The following CTNNA1 variants were observed in gnomAD, a reference collection of about 807,000 sequenced individuals.
The protein encoded by CTNNA1 is catenin alpha-1.
CTNNA1 carries 37 observed loss-of-function variants against 98.4 expected under a neutral mutation model. The ratio of observed to expected loss-of-function variants is 0.38; its 90% CI spans 0.29 to 0.49. CTNNA1 has a LOEUF of 0.49. Ranked by LOEUF, CTNNA1 falls within the 20% of genes least tolerant of loss-of-function variation. The pLI is 0.95. For synonymous variants in CTNNA1, 404 were observed against 413.2 expected (o/e 0.98, Z 0.27); for missense variants, 761 against 1,147.2 (o/e 0.66, Z 4.86).
chr5:138,907,658 G>A (rs1265149186), intron 10 of CTNNA1, among the ~76,000 whole-genome samples: 12 of 152,170 alleles, frequency 7.9e-5, no homozygotes, highest in African/African-American at 2.2e-4. Context: ...AGGTAACTAG[G>A]GTAGTTAGTT....
At chr5:138,762,176 A>ATG (rs1432469474) in intron 1 of CTNNA1, 3 of 152,246 alleles carry the variant, frequency 2.0e-5, no homozygotes, top group African/African-American at 7.2e-5. Flanking sequence ...AGAGTCTCAT[A>ATG]GAGCAGCACT....
intron 1 of CTNNA1, among the ~76,000 whole-genome samples, chr5:138,755,773 GTC>G (rs1404638180): frequency 6.7e-6 from 1 of 150,182 alleles, no homozygotes; most frequent in East Asian, 1.9e-4. Context: ...TGGGACTCCT[GTC>G]TCTTCTGGAG....
At chr5:138,880,947 AC>A in intron 7 of CTNNA1, 2 of 421,906 alleles carry the variant, frequency 4.7e-6, no homozygotes, top group Middle Eastern at 3.4e-4. Flanking sequence ...AAAAAAAAAA[AC>A]ACATTGAATA....
Position 138,930,796 on chromosome 5 carries a change from A to G in CTNNA1, c.2193-34A>G, listed in dbSNP as rs543204283. 5.8e-6 allele frequency: 9 copies of G among 1,546,854 alleles called. No individual in the cohort carries two copies. In the East Asian group the frequency reaches 9.0e-5, roughly 15 times the overall value. ...CTACTCCAACTGTGAGGGGCTTCAC[A>G]TACAATAATCCTTGTTCTCTTCCCT... On this transcript the variant is annotated intron_variant, in intron 15 of 17. Coordinates refer to ENST00000302763, the MANE Select transcript of CTNNA1 (RefSeq NM_001903.5).
chr5:138,867,765 T>A (rs1229005485), intron 7 of CTNNA1, among the ~76,000 whole-genome samples: 1 of 151,814 alleles, frequency 6.6e-6, no homozygotes. Flanking sequence ...TTTTTTCTTT[T>A]TTTTTAAGAT....
intron 3 of CTNNA1, among the ~76,000 whole-genome samples, chr5:138,798,520 T>A (rs568523403): frequency 7.2e-5 from 11 of 152,328 alleles, no homozygotes; most frequent in African/African-American, 2.4e-4. Context: ...CCAAATATTT[T>A]CCAAGCCTAT....
rs1751215936 is a variant in CTNNA1 at position 138,753,451 on chromosome 5, C to T, written c.-62C>T. 8.0e-6 allele frequency: 3 copies of T among 376,080 alleles called. No homozygotes were observed. The highest frequency in any genetic ancestry group is 1.4e-5 in the Non-Finnish European group (3 of 211,590). 23.3% of individuals were successfully genotyped at this position (376,080 alleles called of 1,614,324 possible). A position where few individuals can be genotyped will look rare whatever the true frequency, so the allele number is the denominator to read the frequency against. ...TCCTCCTAGCCGGACTGGAGGGAGA[C>T]AAAGCAGCGCCCGTCTGCTTCGGGC... is the stretch of plus-strand genomic sequence containing the variant. On this transcript the variant is annotated 5_prime_UTR_variant, in exon 1 of 18. Coordinates refer to ENST00000302763, the MANE Select transcript of CTNNA1 (RefSeq NM_001903.5).
intron 9 of CTNNA1, among the ~76,000 whole-genome samples, chr5:138,900,175 T>C (rs1757729933): frequency 6.6e-6 from 1 of 152,238 alleles, no homozygotes; most frequent in African/African-American, 2.4e-5. Flanking sequence ...GATTTTATTG[T>C]TATTTTTGAC....
intron 7 of CTNNA1, among the ~76,000 whole-genome samples, chr5:138,840,861 A>G (rs1762212670): frequency 6.6e-6 from 1 of 152,080 alleles, no homozygotes; most frequent in Admixed American, 6.6e-5. Context: ...AACTAGCCAT[A>G]ATGTTTATTT....
intron 9 of CTNNA1, among the ~76,000 whole-genome samples, chr5:138,894,180 A>G (rs1448712931): frequency 6.6e-6 from 1 of 151,852 alleles, no homozygotes; most frequent in Non-Finnish European, 1.5e-5. Flanking sequence ...CAGCCTCCCA[A>G]AGTGCTAGGA....
intron 7 of CTNNA1, among the ~76,000 whole-genome samples, chr5:138,857,915 A>G (rs146875034): frequency 1.3e-5 from 2 of 152,314 alleles, no homozygotes; most frequent in East Asian, 3.9e-4. Context: ...AAAATTACGC[A>G]TGTAGGGAAG....
chr5:138,812,068 A>C lies in CTNNA1; in HGVS notation c.469-115A>C. 3.5e-6 allele frequency: 3 copies of C among 860,076 alleles called. No homozygotes were observed. In the East Asian group the frequency reaches 7.5e-5, roughly 21 times the overall value. 53.3% of individuals were successfully genotyped at this position (860,076 alleles called of 1,614,324 possible). ...AGACCATGCGCAAACTCGAGAGCTA[A>C]GTTTGGGTTGCTTTTTGAGTAGTTG... On this transcript the variant is annotated intron_variant, in intron 4 of 17. Transcript: ENST00000302763.
At chr5:138,883,287 AT>A (rs1753344991) in intron 7 of CTNNA1, among the ~76,000 whole-genome samples, 1 of 152,122 alleles carries the variant, frequency 6.6e-6, no homozygotes, top group African/African-American at 2.4e-5. Flanking sequence ...TAAACTTGCT[AT>A]TTGGACTGTA....
chr5:138,932,237 C>T lies in CTNNA1; in HGVS notation c.2299-341C>T, dbSNP rs1765513849. The T allele has an allele frequency of 3.7e-6, 4 of 1,093,722 alleles. No individual in the cohort carries two copies. The South Asian group carries it at 1.1e-4, about 29-fold the overall frequency. The allele number at this position is 1,093,722 out of a possible 1,614,324, so 67.8% of individuals were successfully genotyped here. A position where few individuals can be genotyped will look rare whatever the true frequency, so the allele number is the denominator to read the frequency against. On this transcript the variant is annotated intron_variant, in intron 16 of 17. Transcript: ENST00000302763. ...TTGTTCTCACCTCGAGGGGCATGGG[C>T]CTCCACCCTGCCGTTTGGGGTGAGG...
chr5:138,805,923 G>T (rs1354769231), intron 3 of CTNNA1, among the ~76,000 whole-genome samples: 1 of 151,634 alleles, frequency 6.6e-6, no homozygotes, highest in Non-Finnish European at 1.5e-5. Context: ...CCTGTTTTTT[G>T]TTCTGTTGTT....
At chr5:138,912,444 A>G (rs1252533153) in intron 10 of CTNNA1, among the ~76,000 whole-genome samples, 4 of 152,256 alleles carry the variant, frequency 2.6e-5, no homozygotes, top group Non-Finnish European at 5.9e-5. Flanking sequence ...AAACGGAAAT[A>G]GTGTTTGAGA....
chr5:138,831,682 T>C (rs945724688), intron 7 of CTNNA1, among the ~76,000 whole-genome samples: 3 of 152,248 alleles, frequency 2.0e-5, no homozygotes, highest in Admixed American at 2.0e-4. Context: ...GCTTGAAGTT[T>C]TGTGCCTTAT....
intron 7 of CTNNA1, among the ~76,000 whole-genome samples, chr5:138,849,884 A>G (rs1010654413): frequency 6.6e-6 from 1 of 152,056 alleles, no homozygotes; most frequent in African/African-American, 2.4e-5. Context: ...GGTCTAAAAG[A>G]GTATCTAATG....
rs575955314 is a variant in CTNNA1, at chr5:138,895,861, A to G, written c.1296+8219A>G. On this transcript the variant is annotated intron_variant, in intron 9 of 17. Transcript: ENST00000302763. ...AGCATTTTAATACATGACCAAAACAAATTTGGGGCAGATGTGTTGATTCTT... is the reference window on the plus strand; with the variant it reads ...AGCATTTTAATACATGACCAAAACAGATTTGGGGCAGATGTGTTGATTCTT... Among the ~76,000 whole-genome samples, 8 of 152,308 alleles carry G rather than the reference A, an allele frequency of 5.3e-5. No individual in the cohort carries two copies. The East Asian group carries it at 1.3e-3, about 26-fold the overall frequency.
Sources: allele counts gnomAD v4.1 joint callset (sites outside exome capture counted in the v4.1 genomes callset), GRCh38; gene constraint gnomAD v4.1.1; transcripts MANE v1.5; gene names NCBI Gene and HGNC (gene_info 2026-07-23, HGNC 2026-07-21).